The following OLFM3 variants were observed in gnomAD, a reference collection of about 807,000 sequenced individuals.
The protein encoded by OLFM3 is noelin-3.
OLFM3 carries 20 observed loss-of-function variants against 48.6 expected under a neutral mutation model. That is an observed-to-expected ratio of 0.41 (90% CI 0.29 to 0.60). The LOEUF (loss-of-function observed/expected upper bound fraction) is 0.60. Ranked by LOEUF, OLFM3 falls within the 20% of genes least tolerant of loss-of-function variation. The pLI, the probability that OLFM3 is intolerant of heterozygous loss-of-function variation, is 0.28. For missense variants in OLFM3, 437 were observed against 544.3 expected, an observed-to-expected ratio of 0.80 and a Z score of 1.96; for synonymous variants, 222 against 198.1, an observed-to-expected ratio of 1.12 and a Z score of -1.01.
intron 1 of OLFM3, among the ~76,000 whole-genome samples, chr1:101,935,370 C>G (rs927731585): frequency 6.6e-6 from 1 of 150,458 alleles, no homozygotes; most frequent in African/African-American, 2.4e-5. Context: ...AACTAGAAAA[C>G]CTAGAAGCAA....
At chr1:101,938,931 T>C (rs1659705524) in intron 1 of OLFM3, among the ~76,000 whole-genome samples, 1 of 152,020 alleles carries the variant, frequency 6.6e-6, no homozygotes, top group Non-Finnish European at 1.5e-5. Context: ...CCACCTGGAG[T>C]CCTTGTTGAG....
intron 1 of OLFM3, among the ~76,000 whole-genome samples, chr1:101,908,385 G>A (rs1222220314): frequency 6.6e-6 from 1 of 152,218 alleles, no homozygotes. Context: ...CAGTGAGGGA[G>A]AGTAAATTAT....
intron 1 of OLFM3, among the ~76,000 whole-genome samples, chr1:101,912,301 T>C (rs887091733): frequency 4.6e-5 from 7 of 152,200 alleles, no homozygotes; most frequent in African/African-American, 1.7e-4. Flanking sequence ...ACTTTAAATC[T>C]CAACTAATAG....
Position 101,869,695 on chromosome 1 carries a change from C to T in OLFM3, c.70-32670G>A, listed in dbSNP as rs114822915. 7.9e-3 allele frequency among the ~76,000 whole-genome samples: 1,208 copies of T among 152,230 alleles called. 8 individuals are homozygous for T. The highest frequency in any genetic ancestry group is 0.026 in the South Asian group (125 of 4,824). ...CCTTGAATTGTAACTTTCATAATCTCCACATGTCATGGGAGGGACCCAGTG... is the reference window on the plus strand; with the variant it reads ...CCTTGAATTGTAACTTTCATAATCTTCACATGTCATGGGAGGGACCCAGTG... On this transcript the variant is annotated intron_variant, in intron 1 of 5. Coordinates refer to ENST00000370103, the MANE Select transcript of OLFM3 (RefSeq NM_058170.4).
intron 1 of OLFM3, among the ~76,000 whole-genome samples, chr1:101,965,550 G>T (rs1423026372): frequency 1.3e-5 from 2 of 152,140 alleles, no homozygotes; most frequent in Non-Finnish European, 2.9e-5. Flanking sequence ...TACAAGCCCA[G>T]ATGTCCTATG....
At chr1:101,886,143 A>T (rs565453669) in intron 1 of OLFM3, among the ~76,000 whole-genome samples, 246 of 152,174 alleles carry the variant, frequency 1.6e-3, no homozygotes, top group Non-Finnish European at 2.9e-3. Context: ...TTTTAAAAAA[A>T]TTTTGAGTTT....
At chr1:101,951,462 A>G (rs987276325) in intron 1 of OLFM3, among the ~76,000 whole-genome samples, 4 of 152,166 alleles carry the variant, frequency 2.6e-5, no homozygotes, top group Admixed American at 6.5e-5. Context: ...TGAATCATTC[A>G]TGATTAGTTT....
At chr1:101,971,828 C>CT (rs1557752257) in intron 1 of OLFM3, among the ~76,000 whole-genome samples, 1 of 151,864 alleles carries the variant, frequency 6.6e-6, no homozygotes, top group Non-Finnish European at 1.5e-5. Context: ...CTAAAGGAAT[C>CT]TTTTTTTGTT....
intron 4 of OLFM3, among the ~76,000 whole-genome samples, chr1:101,820,301 G>A (rs1028873808): frequency 6.6e-6 from 1 of 152,008 alleles, no homozygotes; most frequent in Non-Finnish European, 1.5e-5. Flanking sequence ...CCCTAAAACA[G>A]CACTAACAGG....
chr1:101,935,044 A>T (rs1659566660), intron 1 of OLFM3, among the ~76,000 whole-genome samples: 1 of 152,092 alleles, frequency 6.6e-6, no homozygotes, highest in African/African-American at 2.4e-5. Flanking sequence ...ACGACCTAAC[A>T]TCACACCTAG....
chr1:101,876,360 T>C (rs751285501), intron 1 of OLFM3, among the ~76,000 whole-genome samples: 2 of 151,932 alleles, frequency 1.3e-5, no homozygotes, highest in Non-Finnish European at 2.9e-5. Context: ...AGTCCAAAAG[T>C]GCCTAGGCAA....
chr1:101,912,836 A>G (rs545185497), intron 1 of OLFM3, among the ~76,000 whole-genome samples: 2 of 152,198 alleles, frequency 1.3e-5, no homozygotes, highest in African/African-American at 2.4e-5. Context: ...TTTAATGGTA[A>G]AAAGGGCTAG....
intron 1 of OLFM3, among the ~76,000 whole-genome samples, chr1:101,848,352 T>G (rs771236359): frequency 6.6e-6 from 1 of 152,192 alleles, no homozygotes; most frequent in Non-Finnish European, 1.5e-5. Flanking sequence ...TAAATAGTTT[T>G]GGCAGGAGAA....
At chr1:101,936,006 A>G (rs940801288) in intron 1 of OLFM3, among the ~76,000 whole-genome samples, 3 of 152,186 alleles carry the variant, frequency 2.0e-5, no homozygotes, top group African/African-American at 7.2e-5. Context: ...ACAAACCCAT[A>G]GCCAATATCA....
chr1:101,910,931 AT>A (rs997308697), intron 1 of OLFM3, among the ~76,000 whole-genome samples: 6 of 151,536 alleles, frequency 4.0e-5, no homozygotes, highest in African/African-American at 7.3e-5. Flanking sequence ...GGGAAACTGC[AT>A]TTTTTTTTAG....
intron 1 of OLFM3, among the ~76,000 whole-genome samples, chr1:101,849,291 T>C (rs1332622482): frequency 6.6e-6 from 1 of 152,214 alleles, no homozygotes; most frequent in Non-Finnish European, 1.5e-5. Context: ...TTTGAAAAGT[T>C]GAGTCCTAGT....
chr1:101,881,814 T>G (rs1657537567), intron 1 of OLFM3, among the ~76,000 whole-genome samples: 1 of 151,706 alleles, frequency 6.6e-6, no homozygotes, highest in Non-Finnish European at 1.5e-5. Flanking sequence ...GCTGCAGTAT[T>G]GGTGGTAGAA....
At chr1:101,813,013 G>T in intron 4 of OLFM3, 2 of 1,133,654 alleles carry the variant, frequency 1.8e-6, no homozygotes, top group South Asian at 1.9e-5. Flanking sequence ...TTTTGTACCA[G>T]AACTATTCTA....
At chr1:101,980,942 G>A (rs759140713) in intron 1 of OLFM3, among the ~76,000 whole-genome samples, 4 of 152,172 alleles carry the variant, frequency 2.6e-5, no homozygotes, top group African/African-American at 7.2e-5. Context: ...TGCAACAAGT[G>A]AGGAACTCAC....
Sources: allele counts gnomAD v4.1 joint callset (sites outside exome capture counted in the v4.1 genomes callset), GRCh38; gene constraint gnomAD v4.1.1; transcripts MANE v1.5; gene names NCBI Gene and HGNC (gene_info 2026-07-23, HGNC 2026-07-21).